The following FAT3 variants were observed in gnomAD, a reference collection of about 807,000 sequenced individuals.
The protein encoded by FAT3 is FAT atypical cadherin 3, also known as protocadherin Fat 3.
FAT3 carries 95 observed loss-of-function variants against 310.2 expected under a neutral mutation model. The ratio of observed to expected loss-of-function variants is 0.31; its 90% CI spans 0.26 to 0.36. The LOEUF is 0.36. Among genes scored for constraint, FAT3 ranks in the 10% least tolerant of loss-of-function variants. The probability of loss-of-function intolerance (pLI) is 1.00; values close to 1 mark genes in which losing one functional copy is unlikely to be tolerated. For missense variants in FAT3, 5,408 were observed against 5,715.6 expected (o/e 0.95, Z 1.74); for synonymous variants, 2,314 against 2,192.9 (o/e 1.06, Z -1.54).
intron 3 of FAT3, among the ~76,000 whole-genome samples, chr11:92,651,415 T>C (rs1356206709): frequency 6.6e-6 from 1 of 152,162 alleles, no homozygotes; most frequent in East Asian, 1.9e-4. Context: ...ATAGGCACAG[T>C]ATGGAACATG....
intron 3 of FAT3, among the ~76,000 whole-genome samples, chr11:92,606,366 G>A (rs962403148): frequency 1.3e-5 from 2 of 152,104 alleles, no homozygotes; most frequent in African/African-American, 2.4e-5. Context: ...GAAGGAGAGT[G>A]CAGCATGCAT....
At chr11:92,471,390 G>T (rs542917080) in intron 2 of FAT3, among the ~76,000 whole-genome samples, 2 of 152,040 alleles carry the variant, frequency 1.3e-5, no homozygotes, top group Non-Finnish European at 2.9e-5. Flanking sequence ...CAGAAAAATG[G>T]CAAATGTCTT....
At chr11:92,436,176 T>G (rs1381499185) in intron 2 of FAT3, among the ~76,000 whole-genome samples, 1 of 152,170 alleles carries the variant, frequency 6.6e-6, no homozygotes, top group African/African-American at 2.4e-5. Context: ...TGGAGCGTAG[T>G]GGCTCTGCTG....
At chr11:92,269,186 T>C (rs1565191255) in intron 1 of FAT3, among the ~76,000 whole-genome samples, 1 of 149,706 alleles carries the variant, frequency 6.7e-6, no homozygotes, top group African/African-American at 2.6e-5. Context: ...CATTTCCTCA[T>C]AGTTATGATA....
At chr11:92,557,295 C>A (rs2135457754) in intron 3 of FAT3, among the ~76,000 whole-genome samples, 1 of 152,194 alleles carries the variant, frequency 6.6e-6, no homozygotes. Flanking sequence ...AGAGAAGTGA[C>A]CTCAGGTCTT....
In FAT3 at chr11:92,334,935, A is replaced by G. The variant is rs1250580942; in HGVS notation, c.-17-17161A>G. Among the ~76,000 whole-genome samples, 3 of 152,182 alleles carry G rather than the reference A, an allele frequency of 2.0e-5. No homozygotes were observed. The East Asian group carries it at 5.8e-4, about 29-fold the overall frequency. On this transcript the variant is annotated intron_variant, in intron 1 of 27. Transcript: ENST00000525166. ...GCCCTGCGTGTTCACCATTGATTAT[A>G]CCTGTGGAAATTCTTATCCAGAAGG...
intron 2 of FAT3, among the ~76,000 whole-genome samples, chr11:92,371,338 T>C (rs1345469656): frequency 6.6e-6 from 1 of 151,966 alleles, no homozygotes; most frequent in Non-Finnish European, 1.5e-5. Context: ...GAGATTTGAA[T>C]GAGGTAGGTC....
At chr11:92,385,232 C>T (rs985857362) in intron 2 of FAT3, among the ~76,000 whole-genome samples, 1 of 152,192 alleles carries the variant, frequency 6.6e-6, no homozygotes, top group Non-Finnish European at 1.5e-5. Context: ...AATTACGGTA[C>T]ATCTTTAAAT....
At chr11:92,328,675 G>A (rs1022249548) in intron 1 of FAT3, among the ~76,000 whole-genome samples, 1 of 152,158 alleles carries the variant, frequency 6.6e-6, no homozygotes, top group African/African-American at 2.4e-5. Flanking sequence ...GTGTGTATAG[G>A]GGACATAATG....
At chr11:92,505,379 T>C (rs577004037) in intron 2 of FAT3, among the ~76,000 whole-genome samples, 89 of 152,276 alleles carry the variant, frequency 5.8e-4, no homozygotes, top group African/African-American at 2.0e-3. Flanking sequence ...GATTCCTGGC[T>C]GTGGGTGTCT....
chr11:92,475,490 T>C (rs1284698292), intron 2 of FAT3, among the ~76,000 whole-genome samples: 1 of 152,028 alleles, frequency 6.6e-6, no homozygotes, highest in Admixed American at 6.6e-5. Context: ...CTACATATGC[T>C]GTGAAAAGCT....
intron 2 of FAT3, among the ~76,000 whole-genome samples, chr11:92,411,005 G>C (rs2134918073): frequency 6.8e-6 from 1 of 147,952 alleles, no homozygotes; most frequent in African/African-American, 2.5e-5. Context: ...AGGTCTTAAA[G>C]GTGTGGAGTC....
At chr11:92,884,230 TAAC>T (rs1949747023) in intron 24 of FAT3, among the ~76,000 whole-genome samples, 2 of 152,210 alleles carry the variant, frequency 1.3e-5, no homozygotes, top group South Asian at 4.1e-4. Context: ...GGATACATTT[TAAC>T]AGCAGCACTA....
chr11:92,396,956 A>G (rs1226769357), intron 2 of FAT3, among the ~76,000 whole-genome samples: 1 of 151,612 alleles, frequency 6.6e-6, no homozygotes, highest in Non-Finnish European at 1.5e-5. Context: ...ATCCGTCTAC[A>G]TCGGCCTCCC....
Position 92,810,096 on chromosome 11 carries a change from C to T in FAT3, c.9481+20C>T. The T allele has an allele frequency of 6.2e-7, 1 of 1,605,240 alleles. No individual in the cohort carries two copies. The highest frequency in any genetic ancestry group is 8.5e-7 in the Non-Finnish European group (1 of 1,173,072). ...ACATTGGTAAGTCAGTTGCAGGCAT[C>T]TCCCTGTCACACAGTGGACACTTTG... On this transcript the variant is annotated intron_variant, in intron 13 of 27. Transcript: ENST00000525166.
intron 3 of FAT3, among the ~76,000 whole-genome samples, chr11:92,656,850 T>G (rs1942598914): frequency 6.6e-6 from 1 of 152,190 alleles, no homozygotes; most frequent in South Asian, 2.1e-4. Context: ...CTTGGAACTC[T>G]TCATAAAATG....
intron 1 of FAT3, among the ~76,000 whole-genome samples, chr11:92,262,255 A>C (rs1354175651): frequency 6.6e-6 from 1 of 152,136 alleles, no homozygotes; most frequent in South Asian, 2.1e-4. Context: ...GCTCATGGGT[A>C]GTTTTAATAG....
intron 3 of FAT3, among the ~76,000 whole-genome samples, chr11:92,560,044 C>T (rs1053113737): frequency 2.0e-5 from 3 of 152,168 alleles, no homozygotes; most frequent in East Asian, 3.8e-4. Context: ...TACTGGTTTC[C>T]AAAGTGGCTG....
intron 1 of FAT3, among the ~76,000 whole-genome samples, chr11:92,272,115 A>T (rs938848988): frequency 1.3e-5 from 2 of 152,094 alleles, no homozygotes; most frequent in Non-Finnish European, 2.9e-5. Flanking sequence ...GAAACTCTCT[A>T]TTATTGATGT....
Sources: gnomAD v4.1 joint callset for allele counts (sites outside exome capture counted in the v4.1 genomes callset) on GRCh38, gnomAD v4.1.1 for gene constraint, MANE v1.5 for transcripts, NCBI Gene and HGNC (gene_info 2026-07-23, HGNC 2026-07-21) for gene names.